The following PTPRD variants were observed in gnomAD, a reference collection of about 807,000 sequenced individuals.
The protein encoded by PTPRD is receptor-type tyrosine-protein phosphatase delta.
A neutral mutation model predicts 214.5 loss-of-function variants in PTPRD; 34 were observed. That is an observed-to-expected ratio of 0.16 (90% CI 0.12 to 0.21). PTPRD has a LOEUF of 0.21. Ranked by LOEUF, PTPRD falls within the 10% of genes least tolerant of loss-of-function variation. PTPRD has a pLI of 1.00. For missense variants in PTPRD, 2,545 were observed against 2,398.7 expected, an observed-to-expected ratio of 1.06 and a Z score of -1.27; for synonymous variants, 1,128 against 845.7, an observed-to-expected ratio of 1.33 and a Z score of -5.79.
chr9:10,129,674 T>C (rs1040814855), intron 3 of PTPRD, among the ~76,000 whole-genome samples: 4 of 152,034 alleles, frequency 2.6e-5, no homozygotes, highest in African/African-American at 9.7e-5. Flanking sequence ...GGTTTCTTGG[T>C]CAGTATGCAA....
intron 7 of PTPRD, among the ~76,000 whole-genome samples, chr9:9,633,893 CA>C (rs1439320508): frequency 6.6e-6 from 1 of 151,930 alleles, no homozygotes; most frequent in East Asian, 1.9e-4. Flanking sequence ...ATATCTTGCC[CA>C]AAAAACCACC....
chr9:8,911,952 C>T (rs932509310), intron 11 of PTPRD, among the ~76,000 whole-genome samples: 3 of 152,058 alleles, frequency 2.0e-5, no homozygotes, highest in Admixed American at 1.3e-4. Flanking sequence ...AACTGCAATG[C>T]GATACAACCC....
chr9:8,376,586 A>G, intron 38 of PTPRD, 21 bp downstream of exon 38: 3 of 1,612,294 alleles, frequency 1.9e-6, no homozygotes, highest in Non-Finnish European at 2.5e-6. Context: ...GAAAGGGAGG[A>G]GAAAAAGATG....
intron 3 of PTPRD, among the ~76,000 whole-genome samples, chr9:10,187,369 G>C (rs1473935698): frequency 6.6e-6 from 1 of 152,050 alleles, no homozygotes; most frequent in Non-Finnish European, 1.5e-5. Flanking sequence ...ATATATTTAG[G>C]ATCCTGACTT....
At chr9:9,876,008 G>T (rs947899334) in intron 5 of PTPRD, among the ~76,000 whole-genome samples, 1 of 151,966 alleles carries the variant, frequency 6.6e-6, no homozygotes. Flanking sequence ...TGAGTTTGCA[G>T]GTGCTTAATT....
intron 5 of PTPRD, among the ~76,000 whole-genome samples, chr9:9,894,665 C>T (rs2074437440): frequency 6.6e-6 from 1 of 152,022 alleles, no homozygotes; most frequent in Non-Finnish European, 1.5e-5. Flanking sequence ...ACTTTCATAA[C>T]AGTTACCATT....
At chr9:8,912,558 G>T (rs575933952) in intron 11 of PTPRD, among the ~76,000 whole-genome samples, 1 of 152,210 alleles carries the variant, frequency 6.6e-6, no homozygotes, top group African/African-American at 2.4e-5. Flanking sequence ...ATGCTACAAA[G>T]CCTGATTGTG....
chr9:10,603,637 G>A (rs1347508567), intron 2 of PTPRD, among the ~76,000 whole-genome samples: 1 of 151,872 alleles, frequency 6.6e-6, no homozygotes, highest in Non-Finnish European at 1.5e-5. Context: ...AATGATATGG[G>A]TATAAATAAG....
intron 12 of PTPRD, among the ~76,000 whole-genome samples, chr9:8,724,296 T>C (rs1191215471): frequency 6.6e-6 from 1 of 152,242 alleles, no homozygotes; most frequent in African/African-American, 2.4e-5. Flanking sequence ...CTCTAAATTT[T>C]AACAATCTGT....
At chr9:9,254,107 T>A (rs763175741) in intron 9 of PTPRD, among the ~76,000 whole-genome samples, 2 of 152,074 alleles carry the variant, frequency 1.3e-5, no homozygotes, top group African/African-American at 4.8e-5. Context: ...CTCAACATAT[T>A]TGAATTAATT....
intron 11 of PTPRD, among the ~76,000 whole-genome samples, chr9:8,807,436 T>C (rs1270611719): frequency 6.6e-6 from 1 of 152,278 alleles, no homozygotes; most frequent in African/African-American, 2.4e-5. Flanking sequence ...TACAAACCAC[T>C]GCACCTACCT....
At chr9:8,481,510 GT>G (rs1409172994) in intron 30 of PTPRD, among the ~76,000 whole-genome samples, 2 of 152,024 alleles carry the variant, frequency 1.3e-5, no homozygotes, top group Admixed American at 1.3e-4. Context: ...TCTGCTTTAA[GT>G]TTTCTGGAGT....
intron 2 of PTPRD, among the ~76,000 whole-genome samples, chr9:10,479,940 T>C (rs374284491): frequency 6.6e-6 from 1 of 152,120 alleles, no homozygotes; most frequent in Non-Finnish European, 1.5e-5. Context: ...TCCGGGGTCT[T>C]AAAATTTTTC....
intron 9 of PTPRD, among the ~76,000 whole-genome samples, chr9:9,387,254 C>G (rs1220032308): frequency 1.3e-5 from 2 of 152,078 alleles, no homozygotes; most frequent in African/African-American, 2.4e-5. Context: ...CTGGCAAAGA[C>G]TATTTTAATA....
At chr9:8,629,901 C>T (rs1277895472) in intron 14 of PTPRD, among the ~76,000 whole-genome samples, 2 of 151,674 alleles carry the variant, frequency 1.3e-5, no homozygotes, top group Admixed American at 6.6e-5. Flanking sequence ...CTTATTGAAA[C>T]ACAGTTTTTG....
At position 8,322,791 on chromosome 9, in the gene PTPRD, T is replaced by G. The variant is rs144898928; in HGVS notation, c.5535-2825A>C. On this transcript the variant is annotated intron_variant, in intron 44 of 45. Coordinates refer to ENST00000381196, the MANE Select transcript of PTPRD (RefSeq NM_002839.4). ...CATTATATTGGAAGAAGTTGTCATC[T>G]AAGACTTTGATAGCTACAGAGGAGG... Among the ~76,000 whole-genome samples the G allele has an allele frequency of 2.5e-3, 376 of 152,320 alleles. 1 individual carries two copies. Among genetic ancestry groups the G allele is most frequent in the African/African-American group, 8.1e-3 (338 of 41,584 alleles).
At chr9:8,800,396 C>T (rs925559194) in intron 11 of PTPRD, among the ~76,000 whole-genome samples, 20 of 152,054 alleles carry the variant, frequency 1.3e-4, no homozygotes, top group African/African-American at 4.3e-4. Flanking sequence ...TTCTAAGTCA[C>T]GGGATGAGAT....
At chr9:8,723,879 T>C (rs1343714276) in intron 12 of PTPRD, among the ~76,000 whole-genome samples, 1 of 152,230 alleles carries the variant, frequency 6.6e-6, no homozygotes, top group African/African-American at 2.4e-5. Context: ...TGCTATTTTT[T>C]AAACTGACGA....
chr9:9,854,718 C>G (rs554433525), intron 5 of PTPRD, among the ~76,000 whole-genome samples: 1 of 151,988 alleles, frequency 6.6e-6, no homozygotes, highest in African/African-American at 2.4e-5. Flanking sequence ...AAATCCCTTT[C>G]AACTTCATCT....
Sources: gnomAD v4.1 joint callset for allele counts (sites outside exome capture counted in the v4.1 genomes callset) on GRCh38, gnomAD v4.1.1 for gene constraint, MANE v1.5 for transcripts, NCBI Gene and HGNC (gene_info 2026-07-23, HGNC 2026-07-21) for gene names.